Variants in CLYBL observed in about 807,000 individuals in gnomAD.
CLYBL encodes the protein citramalyl-CoA lyase, also known as citramalyl-CoA lyase, mitochondrial.
CLYBL carries 31 observed loss-of-function variants against 38.9 expected under a neutral mutation model. The ratio of observed to expected loss-of-function variants is 0.80; its 90% confidence interval spans 0.60 to 1.08. The LOEUF is 1.08. CLYBL is among the 50% of genes least tolerant of loss of function. The pLI is 0.00. For missense variants in CLYBL, 434 were observed against 411.6 expected, an observed-to-expected ratio of 1.05 and a Z score of -0.47; for synonymous variants, 171 against 158.6, an observed-to-expected ratio of 1.08 and a Z score of -0.59.
intron 5 of CLYBL, among the ~76,000 whole-genome samples, chr13:99,866,039 T>C (rs1455046849): frequency 6.6e-6 from 1 of 152,236 alleles, no homozygotes; most frequent in Non-Finnish European, 1.5e-5. Context: ...AAAGATGCCT[T>C]GTCAGTTAAA....
chr13:99,909,020 A>G (rs990018380), exon 10 of CLYBL, among the ~76,000 whole-genome samples: 1 of 152,256 alleles, frequency 6.6e-6, no homozygotes, highest in Admixed American at 6.5e-5. Context: ...TCCTAAAATC[A>G]TAGCACTAAC....
intron 2 of CLYBL, among the ~76,000 whole-genome samples, chr13:99,845,598 AT>A (rs2051182726): frequency 6.6e-6 from 1 of 152,222 alleles, no homozygotes; most frequent in South Asian, 2.1e-4. Context: ...CGAGGAAAAC[AT>A]TTAATTATAG....
chr13:99,748,880 C>G (rs2048904953), intron 1 of CLYBL, among the ~76,000 whole-genome samples: 1 of 152,114 alleles, frequency 6.6e-6, no homozygotes, highest in African/African-American at 2.4e-5. Flanking sequence ...CTTGTTTGCT[C>G]TCTCATTCTG....
intron 1 of CLYBL, among the ~76,000 whole-genome samples, chr13:99,607,248 T>C (rs986274406): frequency 6.6e-6 from 1 of 152,342 alleles, no homozygotes; most frequent in South Asian, 2.1e-4. Context: ...AAATATTCAC[T>C]TAATAACAAA....
At chr13:99,858,354 TAGTG>T (rs2051510545) in intron 2 of CLYBL, among the ~76,000 whole-genome samples, 5 of 152,224 alleles carry the variant, frequency 3.3e-5, no homozygotes, top group Middle Eastern at 3.4e-3. Flanking sequence ...TGCAAAAAAA[TAGTG>T]AGTAAAAAAA....
At chr13:99,687,048 C>T (rs2047828181) in intron 1 of CLYBL, among the ~76,000 whole-genome samples, 1 of 152,200 alleles carries the variant, frequency 6.6e-6, no homozygotes, top group Admixed American at 6.5e-5. Context: ...GGGGCTACAC[C>T]TGCCTTGCAT....
intron 2 of CLYBL, among the ~76,000 whole-genome samples, chr13:99,783,459 G>A (rs2049705378): frequency 1.5e-5 from 1 of 65,496 alleles, no homozygotes; most frequent in African/African-American, 1.1e-4. Context: ...ACTTTGGGGT[G>A]TAATTTTTTT....
Position 99,864,877 on chromosome 13 carries a change from C to G in CLYBL, c.600C>G (p.Val200=), listed in dbSNP as rs141341905. ...AAGTAGGTCTCTTTCTAGATGCAGT[C>G]GTTTTTGGAGGAGAAGACTTTCGAG... The part of the protein sequence containing the change: ...GPQVGLFLDA[V]VFGGEDFRAS... Residue 200 remains valine, a synonymous_variant, in exon 5 of 9, where the codon GTC becomes GTG. Coordinates refer to ENST00000339105, the MANE Select transcript of CLYBL (RefSeq NM_206808.5). 2.9e-5 allele frequency: 47 copies of G among 1,613,692 alleles called. No individual in the cohort carries two copies. The highest frequency in any genetic ancestry group is 3.9e-5 in the Non-Finnish European group (46 of 1,179,872).
chr13:99,904,947 A>G (rs967382767), intron 8 of CLYBL, among the ~76,000 whole-genome samples: 4 of 152,150 alleles, frequency 2.6e-5, no homozygotes, highest in African/African-American at 9.7e-5. Context: ...CTTTGCAGAG[A>G]CAGCTTTTCC....
chr13:99,825,283 C>A (rs891262735), intron 2 of CLYBL, among the ~76,000 whole-genome samples: 3 of 152,148 alleles, frequency 2.0e-5, no homozygotes, highest in African/African-American at 7.2e-5. Flanking sequence ...AGGCTGTTAA[C>A]CCCTCTGAGC....
chr13:99,714,894 A>G (rs959344713), intron 1 of CLYBL, among the ~76,000 whole-genome samples: 1 of 152,178 alleles, frequency 6.6e-6, no homozygotes, highest in Non-Finnish European at 1.5e-5. Flanking sequence ...GGTTGCAGTG[A>G]GCCGAGATCA....
intron 1 of CLYBL, among the ~76,000 whole-genome samples, chr13:99,670,218 G>A (rs866014554): frequency 3.3e-5 from 5 of 152,060 alleles, no homozygotes; most frequent in Middle Eastern, 3.4e-3. Context: ...AGAGCTAGGT[G>A]CAGTGGTGCA....
At chr13:99,609,936 C>T (rs572361421) in intron 1 of CLYBL, among the ~76,000 whole-genome samples, 12 of 150,958 alleles carry the variant, frequency 7.9e-5, no homozygotes, top group East Asian at 2.0e-4. Flanking sequence ...CTCTTAGAGA[C>T]GGAGTCTCCA....
intron 1 of CLYBL, among the ~76,000 whole-genome samples, chr13:99,665,904 C>T (rs1311317550): frequency 2.0e-5 from 3 of 152,126 alleles, no homozygotes; most frequent in Admixed American, 6.5e-5. Context: ...GCCCAGATGG[C>T]GCTTAAATCT....
chr13:99,660,888 A>G (rs1296058801), intron 1 of CLYBL, among the ~76,000 whole-genome samples: 1 of 152,200 alleles, frequency 6.6e-6, no homozygotes, highest in Non-Finnish European at 1.5e-5. Context: ...CACATCTAGA[A>G]TGCTTCCGAT....
rs867233404 is a variant in CLYBL at position 99,821,129 on chromosome 13, A to T, written c.250-37732A>T. 2.0e-5 allele frequency among the ~76,000 whole-genome samples: 3 copies of T among 152,248 alleles called. No individual in the cohort carries two copies. In the South Asian group the frequency reaches 6.2e-4, roughly 32 times the overall value. On this transcript the variant is annotated intron_variant, in intron 2 of 8. Transcript: ENST00000339105. ...TAAGCTTTCTAATATTATTTGAGGG[A>T]ATTGATTGGGGTTTCCGGATGGGCT...
chr13:99,675,620 T>C (rs2047632833), intron 1 of CLYBL, among the ~76,000 whole-genome samples: 1 of 152,240 alleles, frequency 6.6e-6, no homozygotes, highest in South Asian at 2.1e-4. Flanking sequence ...CATGGAATCA[T>C]ACGATACGTG....
chr13:99,801,920 G>A (rs1273666814), intron 2 of CLYBL, among the ~76,000 whole-genome samples: 1 of 152,188 alleles, frequency 6.6e-6, no homozygotes, highest in Non-Finnish European at 1.5e-5. Context: ...GGAGACCGAG[G>A]CAGGAGAATC....
At chr13:99,625,351 G>A (rs568507776) in intron 1 of CLYBL, among the ~76,000 whole-genome samples, 7 of 152,314 alleles carry the variant, frequency 4.6e-5, no homozygotes, top group Non-Finnish European at 8.8e-5. Flanking sequence ...GATTAGCAGC[G>A]TTTAGGCTCC....
Sources: gnomAD v4.1 joint callset for allele counts (sites outside exome capture counted in the v4.1 genomes callset) on GRCh38, gnomAD v4.1.1 for gene constraint, MANE v1.5 for transcripts, NCBI Gene and HGNC (gene_info 2026-07-23, HGNC 2026-07-21) for gene names.